PDE5A: variants seen among roughly 807,000 people sequenced by gnomAD.
PDE5A encodes the protein phosphodiesterase 5A, also known as cGMP-specific 3',5'-cyclic phosphodiesterase.
PDE5A carries 67 observed loss-of-function variants against 110.2 expected under a neutral mutation model. That is an observed-to-expected ratio of 0.61 (90% confidence interval 0.50 to 0.75). The LOEUF is 0.75. Ranked by LOEUF, PDE5A falls within the 30% of genes least tolerant of loss-of-function variation. The pLI is 0.00. For missense variants in PDE5A, 862 were observed against 1,045.1 expected (o/e 0.82, Z 2.42); for synonymous variants, 328 against 351.2 (o/e 0.93, Z 0.74).
intron 1 of PDE5A, among the ~76,000 whole-genome samples, chr4:119,621,733 C>T (rs1419302448): frequency 6.6e-6 from 1 of 152,172 alleles, no homozygotes; most frequent in African/African-American, 2.4e-5. Flanking sequence ...ACAGCTAACC[C>T]AATCCCGCAA....
intron 1 of PDE5A, among the ~76,000 whole-genome samples, chr4:119,615,504 G>A (rs560587452): frequency 6.6e-6 from 1 of 151,798 alleles, no homozygotes; most frequent in South Asian, 2.1e-4. Context: ...CAGGTTGAGG[G>A]GCCCTAACTG....
Position 119,567,117 on chromosome 4 carries a change from T to C in PDE5A, c.859A>G (p.Lys287Glu). ...EVVGVAQAINKKSGNGGTFTE... is the reference protein window; with the variant it reads ...EVVGVAQAINEKSGNGGTFTE... ...AATGTCCCACCGTTTCCTGATTTCTTGTTGATGGCCTGGGCTACACCAACA... is the reference window on the plus strand; with the variant it reads ...AATGTCCCACCGTTTCCTGATTTCTCGTTGATGGCCTGGGCTACACCAACA... The change falls in exon 4 of 21, where the codon AAG becomes GAG. Residue 287 changes from lysine to glutamate, a missense_variant. Transcript: ENST00000354960. 6.2e-7 allele frequency: 1 copy of C among 1,613,644 alleles called. No individual in the cohort carries two copies. The highest frequency in any genetic ancestry group is 2.2e-5 in the East Asian group (1 of 44,864).
At chr4:119,521,949 C>T (rs1355976521) in intron 12 of PDE5A, among the ~76,000 whole-genome samples, 1 of 152,022 alleles carries the variant, frequency 6.6e-6, no homozygotes, top group Non-Finnish European at 1.5e-5. Flanking sequence ...ATTCTCCCTA[C>T]ATGTATCACT....
chr4:119,548,530 C>T (rs1056346996), intron 9 of PDE5A: 5 of 152,130 alleles, frequency 3.3e-5, no homozygotes, highest in African/African-American at 1.2e-4. Context: ...TATCCCTATT[C>T]AATTTTTGCC....
rs1458806152 is a variant in PDE5A, at chr4:119,522,556, T to C, written c.1780-1496A>G. On this transcript the variant is annotated intron_variant, in intron 12 of 20. Coordinates refer to ENST00000354960, the MANE Select transcript of PDE5A (RefSeq NM_001083.4). ...TTTACTAATCATAAATGTACAGATA[T>C]AATTAAATATATAATACCATATATT... 3.9e-5 allele frequency among the ~76,000 whole-genome samples: 6 copies of C among 152,168 alleles called. No individual in the cohort carries two copies. In the East Asian group the frequency reaches 9.7e-4, roughly 24 times the overall value.
At position 119,539,074 on chromosome 4, in the gene PDE5A, A is replaced by G. The variant is rs1212123059; in HGVS notation, c.1573-55T>C. 8.5e-6 allele frequency: 11 copies of G among 1,294,310 alleles called. No homozygotes were observed. The Admixed American group carries it at 1.7e-4, about 20-fold the overall frequency. 80.2% of individuals were successfully genotyped at this position (1,294,310 alleles called of 1,614,324 possible). On this transcript the variant is annotated intron_variant, in intron 10 of 20. Transcript: ENST00000354960. Reference sequence around the variant, plus strand: ...CACAGGAGAGAACTACCACATGTAGACTAGAACTTCAAGCTTGGAATTCTG... The same window carrying G: ...CACAGGAGAGAACTACCACATGTAGGCTAGAACTTCAAGCTTGGAATTCTG...
chr4:119,521,160 T>G, intron 12 of PDE5A, 100 bp from the exon 13 acceptor site: 1 of 1,182,796 alleles, frequency 8.5e-7, no homozygotes, highest in Non-Finnish European at 1.2e-6. Context: ...AGCCTGATAC[T>G]CCGATTTGGA....
chr4:119,587,652 G>A (rs2892867), intron 3 of PDE5A, among the ~76,000 whole-genome samples: 117,925 of 152,102 alleles, frequency 0.78, 45,880 homozygotes, highest in East Asian at 0.89. Context: ...CCCAAGTGCT[G>A]GGATTACAGG....
intron 1 of PDE5A, among the ~76,000 whole-genome samples, chr4:119,609,374 G>C (rs1024841528): frequency 2.0e-5 from 3 of 151,968 alleles, no homozygotes; most frequent in East Asian, 3.9e-4. Flanking sequence ...GAGAACACTA[G>C]GCAGACATTA....
chr4:119,619,860 A>G (rs956488683), intron 1 of PDE5A, among the ~76,000 whole-genome samples: 6 of 152,240 alleles, frequency 3.9e-5, no homozygotes, highest in Admixed American at 1.3e-4. Flanking sequence ...TTAGAAAAGT[A>G]GGTCTGGGGT....
At chr4:119,584,979 T>C (rs572579072) in intron 3 of PDE5A, among the ~76,000 whole-genome samples, 6 of 152,312 alleles carry the variant, frequency 3.9e-5, no homozygotes, top group Admixed American at 3.3e-4. Flanking sequence ...TGTGGCATAA[T>C]ATTTTAAAAG....
rs569153632 is a variant in PDE5A, at chr4:119,517,394, C to T, written c.2000+1651G>A. Among the ~76,000 whole-genome samples, 648 of 144,754 alleles carry T rather than the reference C, an allele frequency of 4.5e-3. 7 individuals carry two copies. Among genetic ancestry groups the T allele is most frequent in the African/African-American group, 0.015 (609 of 40,120 alleles). 95.0% of individuals were successfully genotyped at this position (144,754 alleles called of 152,430 possible). A position where few individuals can be genotyped will look rare whatever the true frequency, so the allele number is the denominator to read the frequency against. ...TCTACTTTAAGTATCACTCATTTACCAACAAGGAAAGAAAAAAAAAGAAAA... is the reference window on the plus strand; with the variant it reads ...TCTACTTTAAGTATCACTCATTTACTAACAAGGAAAGAAAAAAAAAGAAAA... On this transcript the variant is annotated intron_variant, in intron 14 of 20. Coordinates refer to ENST00000354960, the MANE Select transcript of PDE5A (RefSeq NM_001083.4).
rs575918610 is a variant in PDE5A at position 119,563,427 on chromosome 4, G to A, written c.994-457C>T. Among the ~76,000 whole-genome samples, 12 of 152,152 alleles carry A rather than the reference G, an allele frequency of 7.9e-5. No individual in the cohort carries two copies. The East Asian group carries it at 1.2e-3, about 15-fold the overall frequency. ...TTACAGAGCACAGTAAATATTACCC[G>A]TCAAAGTAAACAAAGTTTTAAGAAT... On this transcript the variant is annotated intron_variant, in intron 5 of 20. Transcript: ENST00000354960.
At chr4:119,531,002 A>G (rs1370932587) in intron 11 of PDE5A, among the ~76,000 whole-genome samples, 1 of 152,156 alleles carries the variant, frequency 6.6e-6, no homozygotes. Context: ...TTGTCTTAAT[A>G]ATCATTAAGA....
In PDE5A at chr4:119,520,846, C is replaced by T. The variant is rs549560914; in HGVS notation, c.1905+89G>A. 11 of 1,065,544 alleles carry T rather than the reference C, an allele frequency of 1.0e-5. No individual in the cohort carries two copies. The South Asian group carries it at 1.5e-4, about 15-fold the overall frequency. 66.0% of individuals were successfully genotyped at this position (1,065,544 alleles called of 1,614,324 possible). ...GCAAATATTATTTTAAATCATTGTG[C>T]ACCTTAAAGTGAAATTGAAAGAATA... On this transcript the variant is annotated intron_variant, in intron 13 of 20. Transcript: ENST00000354960.
rs540919294 is a variant in PDE5A at position 119,496,368 on chromosome 4, A to G, written c.*2233T>C. ...GCCCTAAAGAAGTACTCTGCTTTGTATGAACTAAAATATCCAACAAAGAAA... is the reference window on the plus strand; with the variant it reads ...GCCCTAAAGAAGTACTCTGCTTTGTGTGAACTAAAATATCCAACAAAGAAA... On this transcript the variant is annotated 3_prime_UTR_variant, in exon 21 of 21. Transcript: ENST00000354960. 5 of 152,306 alleles carry G rather than the reference A, an allele frequency of 3.3e-5. No homozygotes were observed. Among genetic ancestry groups the G allele is most frequent in the Admixed American group, 3.3e-4 (5 of 15,278 alleles). The allele number at this position is 152,306 out of a possible 1,614,324, so 9.4% of individuals were successfully genotyped here. A position where few individuals can be genotyped will look rare whatever the true frequency, so the allele number is the denominator to read the frequency against.
intron 13 of PDE5A, among the ~76,000 whole-genome samples, chr4:119,520,532 A>G (rs1353281142): frequency 1.3e-5 from 2 of 152,134 alleles, no homozygotes; most frequent in African/African-American, 2.4e-5. Context: ...TAACTTATCA[A>G]TGAAGCAAGT....
At position 119,495,836 on chromosome 4, in the gene PDE5A, ACT is replaced by A. The variant is rs1280391374; in HGVS notation, c.*2763_*2764del. On this transcript the variant is annotated 3_prime_UTR_variant, in exon 21 of 21. Coordinates refer to ENST00000354960, the MANE Select transcript of PDE5A (RefSeq NM_001083.4). Reference sequence around the variant, plus strand: ...ATATTCTCTTTGTTCAGTCATGGAAACTCAACATTAGAAATGACATGTGGGAA... The same window carrying A: ...ATATTCTCTTTGTTCAGTCATGGAAACAACATTAGAAATGACATGTGGGAA... The A allele has an allele frequency of 6.6e-6, 1 of 152,108 alleles. No individual in the cohort carries two copies. The highest frequency in any genetic ancestry group is 2.4e-5 in the African/African-American group (1 of 41,442). The allele number at this position is 152,108 out of a possible 1,614,324, so 9.4% of individuals were successfully genotyped here. A position where few individuals can be genotyped will look rare whatever the true frequency, so the allele number is the denominator to read the frequency against.
chr4:119,583,457 T>C (rs28394320), intron 3 of PDE5A, among the ~76,000 whole-genome samples: 3,588 of 152,232 alleles, frequency 0.024, 139 homozygotes, highest in African/African-American at 0.081. Flanking sequence ...CTATTTGACT[T>C]TCTTAGCACT....
Sources: allele counts gnomAD v4.1 joint callset (sites outside exome capture counted in the v4.1 genomes callset), GRCh38; gene constraint gnomAD v4.1.1; transcripts MANE v1.5; gene names NCBI Gene and HGNC (gene_info 2026-07-23, HGNC 2026-07-21).